ARNT: variants seen among roughly 807,000 people sequenced by gnomAD.
The protein encoded by ARNT is class E basic helix-loop-helix protein 2.
In ARNT, 30 loss-of-function variants were observed where a neutral mutation model predicts 105.0. That is an observed-to-expected ratio of 0.29 (90% CI 0.21 to 0.39). The LOEUF is 0.39. ARNT is among the 10% of genes least tolerant of loss of function. The pLI, the probability that ARNT is intolerant of heterozygous loss-of-function variation, is 1.00. For missense variants in ARNT, 748 were observed against 978.7 expected, an observed-to-expected ratio of 0.76 and a Z score of 3.15; for synonymous variants, 304 against 344.0, an observed-to-expected ratio of 0.88 and a Z score of 1.29.
chr1:150,834,954 C>T (rs587736644), intron 7 of ARNT: 1 of 291,466 alleles, frequency 3.4e-6, no homozygotes, highest in African/African-American at 2.1e-5. Flanking sequence ...TATACACATA[C>T]AGACATACAT....
intron 14 of ARNT, among the ~76,000 whole-genome samples, chr1:150,821,824 T>C (rs1218899164): frequency 1.8e-4 from 23 of 124,752 alleles, no homozygotes; most frequent in Non-Finnish European, 1.7e-5. Context: ...AATTTTTGTA[T>C]TTTCTTTTTT....
chr1:150,846,276 CCTT>C lies in ARNT; in HGVS notation c.211_213del (p.Lys71del). The C allele has an allele frequency of 6.2e-7, 1 of 1,613,564 alleles. No individual in the cohort carries two copies. Among genetic ancestry groups the C allele is most frequent in the Non-Finnish European group, 8.5e-7 (1 of 1,179,636 alleles). ...CTACAATATTACCTGGCAAACCGCT[CCTT>C]ATCGTTAGACATCTGATCATCATCA... On this transcript the variant is annotated inframe_deletion, in exon 4 of 22. Transcript: ENST00000358595.
intron 3 of ARNT, among the ~76,000 whole-genome samples, chr1:150,848,525 C>T (rs919258663): frequency 4.6e-5 from 7 of 152,006 alleles, no homozygotes; most frequent in African/African-American, 1.4e-4. Context: ...TATAACTCTG[C>T]ACTGTTTGAA....
intron 1 of ARNT, among the ~76,000 whole-genome samples, chr1:150,870,867 G>C (rs1667315911): frequency 6.6e-6 from 1 of 151,710 alleles, no homozygotes; most frequent in South Asian, 2.1e-4. Flanking sequence ...TGAAAACGTG[G>C]AGGGAAAATA....
chr1:150,857,988 A>T (rs375608178), intron 2 of ARNT, among the ~76,000 whole-genome samples: 31 of 152,338 alleles, frequency 2.0e-4, no homozygotes, highest in African/African-American at 7.5e-4. Context: ...AGAGCTCAGC[A>T]TTCTCTAAAT....
At chr1:150,850,398 C>T (rs1663112157) in intron 3 of ARNT, among the ~76,000 whole-genome samples, 1 of 152,222 alleles carries the variant, frequency 6.6e-6, no homozygotes, top group Admixed American at 6.5e-5. Context: ...TCTCCTGCCT[C>T]AGCCTGCCGA....
At chr1:150,820,815 T>C (rs1236638794) in intron 14 of ARNT, among the ~76,000 whole-genome samples, 1 of 151,898 alleles carries the variant, frequency 6.6e-6, no homozygotes, top group East Asian at 1.9e-4. Context: ...CTAAGAAGAG[T>C]TGGTACATTA....
Position 150,814,211 on chromosome 1 carries a change from G to A in ARNT, c.1979C>T (p.Thr660Ile). Reference protein sequence around the residue: ...QQVATQATAKTRTSQFGVGSF... With the variant: ...QQVATQATAKIRTSQFGVGSF... ...GCCCACACCAAACTGGGAAGTACGA[G>A]TCTTAGCAGTAGCCTGGGTAGCCAC... The change falls in exon 20 of 22, where the codon ACT becomes ATT. Residue 660 changes from threonine (T) to isoleucine (I), a missense_variant. Physicochemically the swap from Thr to Ile is moderately conservative, Grantham distance 89. This residue lies in a region of ARNT where 360 missense variants were observed against 411.9 expected (regional missense o/e 0.87). Transcript: ENST00000358595. The A allele has an allele frequency of 6.2e-7, 1 of 1,614,150 alleles. No homozygotes were observed. The highest frequency in any genetic ancestry group is 8.5e-7 in the Non-Finnish European group (1 of 1,180,008).
At position 150,816,816 on chromosome 1, in the gene ARNT, G is replaced by A; in HGVS notation, c.1774C>T (p.Pro592Ser). Residue 592 changes from proline (P) to serine (S), a missense_variant, in exon 18 of 22, where the codon CCT (proline) becomes TCT (serine). Pro to Ser is a moderately conservative substitution (Grantham distance 74). Transcript: ENST00000358595. ...QLFSQGNTFP[P>S]TPRPAENFRN... ...AAATTCTCTGCCGGCCGGGGGGTAG[G>A]AGGGAATGTGTTGCCCTGGGAGAAT... The A allele has an allele frequency of 6.3e-7, 1 of 1,588,008 alleles. No homozygotes were observed. Among genetic ancestry groups the A allele is most frequent in the Middle Eastern group, 1.7e-4 (1 of 5,954 alleles).
At chr1:150,842,588 G>A in intron 4 of ARNT, 120 bp from the exon 5 acceptor site, 2 of 749,462 alleles carry the variant, frequency 2.7e-6, no homozygotes, top group African/African-American at 1.8e-5. Context: ...GAAAAAAAAA[G>A]AAAAGGAGAA....
chr1:150,839,688 G>T, intron 5 of ARNT, 34 bp from the exon 6 acceptor site: 1 of 1,579,930 alleles, frequency 6.3e-7, no homozygotes. Flanking sequence ...CCATCCAGGT[G>T]GTCACATCTG....
At chr1:150,818,685 G>A (rs1490240766) in intron 14 of ARNT, among the ~76,000 whole-genome samples, 3 of 152,074 alleles carry the variant, frequency 2.0e-5, no homozygotes, top group Non-Finnish European at 4.4e-5. Context: ...GGAGGCGGAG[G>A]TTGCAGTGAG....
intron 2 of ARNT, among the ~76,000 whole-genome samples, chr1:150,855,717 C>T (rs1353086596): frequency 6.7e-6 from 1 of 148,252 alleles, no homozygotes; most frequent in South Asian, 2.1e-4. Context: ...GCCTGGTCAA[C>T]GTAGTGAGAC....
chr1:150,857,346 G>A (rs1437345441), intron 2 of ARNT, among the ~76,000 whole-genome samples: 2 of 152,148 alleles, frequency 1.3e-5, no homozygotes, highest in Non-Finnish European at 2.9e-5. Flanking sequence ...TAAAGAGTAA[G>A]CTACAAAGCT....
intron 14 of ARNT, among the ~76,000 whole-genome samples, chr1:150,819,817 G>A (rs587619967): frequency 6.6e-6 from 1 of 152,040 alleles, no homozygotes. Flanking sequence ...ATTTCTTTTG[G>A]GGGAATGAAA....
intron 1 of ARNT, among the ~76,000 whole-genome samples, chr1:150,865,876 A>G: frequency 6.6e-6 from 1 of 152,082 alleles, no homozygotes; most frequent in East Asian, 1.9e-4. Flanking sequence ...AATGCCTTGG[A>G]TGTATGAAAA....
chr1:150,840,683 AT>A (rs1661116556), intron 5 of ARNT, among the ~76,000 whole-genome samples: 1 of 152,222 alleles, frequency 6.6e-6, no homozygotes, highest in Admixed American at 6.5e-5. Flanking sequence ...GAGGAGTGGA[AT>A]GGAGAGGAGG....
intron 8 of ARNT, 126 bp downstream of exon 8, chr1:150,834,412 A>G: frequency 1.2e-6 from 1 of 861,504 alleles, no homozygotes; most frequent in Non-Finnish European, 1.8e-6. Context: ...CTGTGTTACA[A>G]TCCATCTGGG....
chr1:150,861,919 G>T (rs1236192246), intron 1 of ARNT, among the ~76,000 whole-genome samples: 2 of 152,158 alleles, frequency 1.3e-5, no homozygotes, highest in Admixed American at 1.3e-4. Context: ...TTTGCCCACT[G>T]CAGGCTAATG....
Sources: allele counts gnomAD v4.1 joint callset (sites outside exome capture counted in the v4.1 genomes callset), GRCh38; gene constraint gnomAD v4.1.1; regional missense constraint gnomAD v4.1.1; transcripts MANE v1.5; gene names NCBI Gene and HGNC (gene_info 2026-07-23, HGNC 2026-07-21).